Variants in XRCC5 observed in about 807,000 individuals in gnomAD.
XRCC5 encodes DNA repair protein Ku80.
A neutral mutation model predicts 95.7 loss-of-function variants in XRCC5; 12 were observed. The observed-to-expected ratio is 0.13, with a 90% CI of 0.08 to 0.20. The LOEUF (loss-of-function observed/expected upper bound fraction) is 0.20, where lower values mean the gene tolerates loss of function less well. Ranked by LOEUF, XRCC5 falls within the 10% of genes least tolerant of loss-of-function variation. The pLI, the probability that XRCC5 is intolerant of heterozygous loss-of-function variation, is 1.00. For missense variants in XRCC5, 595 were observed against 873.9 expected, an observed-to-expected ratio of 0.68 and a Z score of 4.02; for synonymous variants, 281 against 290.3, an observed-to-expected ratio of 0.97 and a Z score of 0.33.
chr2:216,204,045 T>G (rs1486932622), intron 19 of XRCC5: 3 of 438,970 alleles, frequency 6.8e-6, no homozygotes, highest in African/African-American at 6.0e-5. Flanking sequence ...TACAGGACAC[T>G]ACACACTGTC....
intron 17 of XRCC5, among the ~76,000 whole-genome samples, chr2:216,190,807 G>C (rs1474336463): frequency 6.6e-6 from 1 of 152,000 alleles, no homozygotes; most frequent in South Asian, 2.1e-4. Flanking sequence ...CTTTTGTGTG[G>C]GTTTTGTCTG....
chr2:216,143,576 T>TG (rs2106016416), intron 13 of XRCC5, among the ~76,000 whole-genome samples: 1 of 152,296 alleles, frequency 6.6e-6, no homozygotes, highest in African/African-American at 2.4e-5. Context: ...GTTTGTTTTG[T>TG]GGGGGAGAGT....
chr2:216,134,419 G>C (rs901359863), intron 10 of XRCC5, among the ~76,000 whole-genome samples: 2 of 135,492 alleles, frequency 1.5e-5, no homozygotes, highest in Non-Finnish European at 3.2e-5. Context: ...CTTCCTTCTT[G>C]TTTTTTTTTT....
chr2:216,115,704 A>G (rs1208504144), intron 2 of XRCC5, among the ~76,000 whole-genome samples: 1 of 152,124 alleles, frequency 6.6e-6, no homozygotes, highest in Non-Finnish European at 1.5e-5. Flanking sequence ...TTGTTTTTAT[A>G]TTTCATTATG....
chr2:216,127,465 A>G lies in XRCC5; in HGVS notation c.799-71A>G, dbSNP rs1319956319. On this transcript the variant is annotated intron_variant, in intron 7 of 20. Transcript: ENST00000392132. ...GATTTTTGTCTGTGCCAGAGAGTGT[A>G]TTAGGTTTTCATCTTCTATCAATTG... 1.6e-5 allele frequency: 24 copies of G among 1,514,614 alleles called. No homozygotes were observed. The East Asian group carries it at 2.3e-4, about 14-fold the overall frequency. The allele number at this position is 1,514,614 out of a possible 1,614,324, so 93.8% of individuals were successfully genotyped here. A position where few individuals can be genotyped will look rare whatever the true frequency, so the allele number is the denominator to read the frequency against.
chr2:216,139,335 G>A (rs1194355571), intron 12 of XRCC5, among the ~76,000 whole-genome samples: 3 of 151,984 alleles, frequency 2.0e-5, no homozygotes, highest in Non-Finnish European at 4.4e-5. Flanking sequence ...CATGGCTGGG[G>A]AAGCCTCAGA....
At chr2:216,182,843 T>C (rs1328736520) in intron 16 of XRCC5, among the ~76,000 whole-genome samples, 1 of 152,178 alleles carries the variant, frequency 6.6e-6, no homozygotes, top group East Asian at 1.9e-4. Flanking sequence ...TCAGGCTTTA[T>C]GGGATATGTT....
Position 216,169,462 on chromosome 2 carries a change from T to C in XRCC5, c.1834+7414T>C, listed in dbSNP as rs908401629. Among the ~76,000 whole-genome samples, 5 of 152,350 alleles carry C rather than the reference T, an allele frequency of 3.3e-5. 1 individual carries two copies. The highest frequency in any genetic ancestry group is 2.6e-4 in the Admixed American group (4 of 15,306). On this transcript the variant is annotated intron_variant, in intron 16 of 20. Transcript: ENST00000392132. Reference sequence around the variant, plus strand: ...TCTTGTCCAATCAAAGCTGTAGTTATGGCTGGTGGAACAAGAGTTCAGTAA... The same window carrying C: ...TCTTGTCCAATCAAAGCTGTAGTTACGGCTGGTGGAACAAGAGTTCAGTAA...
At chr2:216,145,274 C>T (rs998619805) in intron 13 of XRCC5, among the ~76,000 whole-genome samples, 1 of 152,082 alleles carries the variant, frequency 6.6e-6, no homozygotes, top group African/African-American at 2.4e-5. Context: ...GGTAAATGAG[C>T]TTGGAGAAGG....
At chr2:216,172,624 A>C (rs1689189872) in intron 16 of XRCC5, among the ~76,000 whole-genome samples, 1 of 151,702 alleles carries the variant, frequency 6.6e-6, no homozygotes, top group African/African-American at 2.4e-5. Context: ...ATGAGGTACT[A>C]CGCCTGGCTC....
intron 19 of XRCC5, among the ~76,000 whole-genome samples, chr2:216,200,009 A>G (rs1559265321): frequency 6.6e-6 from 1 of 151,978 alleles, no homozygotes; most frequent in Non-Finnish European, 1.5e-5. Context: ...ATAGATAGCA[A>G]TTGGCCATTT....
chr2:216,190,386 A>G, intron 17 of XRCC5, 52 bp downstream of exon 17: 1 of 1,489,894 alleles, frequency 6.7e-7, no homozygotes, highest in Non-Finnish European at 9.3e-7. Context: ...CGACTATCAC[A>G]GGGAAAGAGG....
intron 10 of XRCC5, among the ~76,000 whole-genome samples, chr2:216,134,282 T>C (rs1009062229): frequency 7.2e-5 from 11 of 152,228 alleles, no homozygotes; most frequent in African/African-American, 2.7e-4. Context: ...ATCTATACTT[T>C]CATGTGCTGA....
intron 3 of XRCC5, 36 bp downstream of exon 3, chr2:216,116,878 T>A (rs760071719): frequency 5.4e-5 from 86 of 1,603,932 alleles, no homozygotes; most frequent in Middle Eastern, 1.7e-4. Context: ...TTTAAGAAAT[T>A]TCCTTTATTC....
chr2:216,130,986 A>G lies in XRCC5; in HGVS notation c.1049A>G (p.Gln350Arg). The change falls in exon 9 of 21, where the codon CAG becomes CGG. Residue 350 changes from glutamine (Q) to arginine (R), a missense_variant and splice_region_variant. Transcript: ENST00000392132. ...GTTTTGGGATTTTGTAAATCTTCTC[A>G]GGTATGATTGTGAACAAACTAAATG... The part of the protein sequence containing the change: ...FSVLGFCKSS[Q>R]VQRRFFMGNQ... 6.2e-7 allele frequency: 1 copy of G among 1,608,006 alleles called. No homozygotes were observed. The highest frequency in any genetic ancestry group is 8.5e-7 in the Non-Finnish European group (1 of 1,175,036).
chr2:216,155,510 A>G (rs930004061), intron 14 of XRCC5, among the ~76,000 whole-genome samples: 18 of 152,154 alleles, frequency 1.2e-4, no homozygotes, highest in Non-Finnish European at 2.1e-4. Flanking sequence ...AATATGGGAG[A>G]AACAGGAACT....
chr2:216,202,891 G>T (rs1689866179), intron 19 of XRCC5, among the ~76,000 whole-genome samples: 1 of 152,190 alleles, frequency 6.6e-6, no homozygotes, highest in African/African-American at 2.4e-5. Context: ...TGTATATGAG[G>T]ACTAGAAGAA....
intron 9 of XRCC5, chr2:216,131,313 T>A (rs1033112089): frequency 1.0e-6 from 1 of 965,154 alleles, no homozygotes; most frequent in Admixed American, 6.2e-5. Flanking sequence ...GCTGGTATTA[T>A]GGTGAAAGTG....
At chr2:216,167,943 T>G (rs1402872338) in intron 16 of XRCC5, among the ~76,000 whole-genome samples, 4 of 152,182 alleles carry the variant, frequency 2.6e-5, no homozygotes, top group African/African-American at 4.8e-5. Flanking sequence ...AGTCTGTACT[T>G]TGTATTTTTA....
Sources: gnomAD v4.1 joint callset for allele counts (sites outside exome capture counted in the v4.1 genomes callset) on GRCh38, gnomAD v4.1.1 for gene constraint, MANE v1.5 for transcripts, NCBI Gene and HGNC (gene_info 2026-07-23, HGNC 2026-07-21) for gene names.